The following USP50 variants were observed in gnomAD, a reference collection of about 807,000 sequenced individuals.
USP50 encodes the protein ubiquitin carboxyl-terminal hydrolase 50.
Under a neutral mutation model 39.2 loss-of-function variants are expected in USP50, and 37 were observed. That is an observed-to-expected ratio of 0.94 (90% CI 0.73 to 1.24). USP50 has a LOEUF of 1.24. Ranked by LOEUF, USP50 falls within the 50% of genes most tolerant of loss-of-function variation. The pLI, the probability that USP50 is intolerant of heterozygous loss-of-function variation, is 0.00. For missense variants in USP50, 374 were observed against 398.2 expected (o/e 0.94, Z 0.52); for synonymous variants, 139 against 144.5 (o/e 0.96, Z 0.27).
rs1027330343 is a variant in USP50 at position 50,540,212 on chromosome 15, C to T, written c.660+837G>A. ...GGCTGTCTTCTACTGCCACCCACCC[C>T]ATGCCCACATCCCCAGTTACAGATT... On this transcript the variant is annotated intron_variant, in intron 4 of 6. Transcript: ENST00000532404. Among the ~76,000 whole-genome samples, 13 of 152,334 alleles carry T rather than the reference C, an allele frequency of 8.5e-5. 1 individual carries two copies. The highest frequency in any genetic ancestry group is 3.1e-4 in the African/African-American group (13 of 41,576).
At chr15:50,503,761 A>G (rs1292841385) in intron 6 of USP50, 1 of 152,216 alleles carries the variant, frequency 6.6e-6, no homozygotes, top group Non-Finnish European at 1.5e-5. Context: ...GAATTTCTAG[A>G]TTGTTGCATG....
intron 1 of USP50, chr15:50,494,350 C>A: frequency 7.3e-7 from 1 of 1,363,318 alleles, no homozygotes; most frequent in Non-Finnish European, 1.0e-6. Context: ...ATTTTTATAG[C>A]AGTTTAAAAT....
intron 6 of USP50, among the ~76,000 whole-genome samples, chr15:50,529,084 A>C (rs1225226350): frequency 1.3e-5 from 2 of 152,136 alleles, no homozygotes; most frequent in African/African-American, 4.8e-5. Flanking sequence ...TTTATTGATC[A>C]TAGTCGACTT....
intron 6 of USP50, chr15:50,510,679 A>G (rs1056926353): frequency 7.9e-5 from 12 of 152,202 alleles, no homozygotes; most frequent in African/African-American, 2.7e-4. Context: ...GTGCACATAT[A>G]TATGTATAGA....
chr15:50,493,968 A>G, downstream of USP50: 1 of 1,280,596 alleles, frequency 7.8e-7, no homozygotes, highest in East Asian at 2.3e-5. Context: ...ATGTAGTGCT[A>G]CAGTATGTGA....
At chr15:50,497,026 T>C, downstream of USP50, 1 of 1,536,866 alleles carries the variant, frequency 6.5e-7, no homozygotes, top group Non-Finnish European at 8.7e-7. Flanking sequence ...ACTAAATAGG[T>C]GCTCTCTGAC....
intron 3 of USP50, 84 bp from the exon 4 acceptor site, chr15:50,541,348 CA>C: frequency 1.7e-5 from 19 of 1,120,324 alleles, no homozygotes; most frequent in African/African-American, 3.1e-5. Flanking sequence ...CCCATCTCTA[CA>C]AAAAAAACAA....
chr15:50,498,875 A>G (rs1566895671), downstream of USP50: 2 of 1,560,976 alleles, frequency 1.3e-6, no homozygotes, highest in East Asian at 2.3e-5. Flanking sequence ...AACTGAATTG[A>G]TTTTTTTTTC....
At chr15:50,519,442 C>T (rs1596010931) in intron 6 of USP50, among the ~76,000 whole-genome samples, 1 of 150,664 alleles carries the variant, frequency 6.6e-6, no homozygotes, top group South Asian at 2.1e-4. Flanking sequence ...AGGCCGGGTG[C>T]GGTGGCTCAC....
At chr15:50,506,741 C>A (rs1031970100) in intron 6 of USP50, 14 of 151,922 alleles carry the variant, frequency 9.2e-5, no homozygotes, top group African/African-American at 3.1e-4. Context: ...GGGCGGATCA[C>A]GAGGTCAGGA....
At chr15:50,519,121 T>C (rs948815130) in intron 6 of USP50, among the ~76,000 whole-genome samples, 2 of 151,930 alleles carry the variant, frequency 1.3e-5, no homozygotes, top group Non-Finnish European at 2.9e-5. Flanking sequence ...ATCTCATCTC[T>C]GCTAAAAATG....
At chr15:50,493,826 A>ATGAAC (rs1408321780), downstream of USP50, 1 of 648,632 alleles carries the variant, frequency 1.5e-6, no homozygotes, top group African/African-American at 1.8e-5. Flanking sequence ...CCTCGCTGTC[A>ATGAAC]TGAACTGGAG....
intron 5 of USP50, among the ~76,000 whole-genome samples, chr15:50,532,707 G>A (rs1418469227): frequency 6.6e-6 from 1 of 152,178 alleles, no homozygotes; most frequent in African/African-American, 2.4e-5. Context: ...ATTTAAAACT[G>A]ATCAACACAC....
intron 1 of USP50, among the ~76,000 whole-genome samples, chr15:50,545,445 A>G (rs1243354895): frequency 1.3e-5 from 2 of 151,746 alleles, no homozygotes; most frequent in Admixed American, 6.6e-5. Flanking sequence ...ATATCCACCT[A>G]TCTGTTTACC....
At chr15:50,516,875 A>G (rs2052808065) in intron 6 of USP50, among the ~76,000 whole-genome samples, 2 of 152,114 alleles carry the variant, frequency 1.3e-5, no homozygotes, top group African/African-American at 4.8e-5. Flanking sequence ...GGATATAGCT[A>G]TTATAAATAT....
At chr15:50,517,727 G>GT (rs2052814777) in intron 6 of USP50, among the ~76,000 whole-genome samples, 1 of 151,972 alleles carries the variant, frequency 6.6e-6, no homozygotes, top group Admixed American at 6.6e-5. Flanking sequence ...TTTTTTGTTT[G>GT]TTTTTTCTTT....
In USP50 at chr15:50,546,636, A is replaced by C; in HGVS notation, c.-111T>G. On this transcript the variant is annotated 5_prime_UTR_variant, in exon 1 of 7. Coordinates refer to ENST00000532404, the MANE Select transcript of USP50 (RefSeq NM_203494.5). ...TGGCTTTTTGTTTTAAACAATTGATATGCTCCTCTCTCTTCCAGTAGCTGC... is the reference window on the plus strand; with the variant it reads ...TGGCTTTTTGTTTTAAACAATTGATCTGCTCCTCTCTCTTCCAGTAGCTGC... 8.5e-7 allele frequency: 1 copy of C among 1,175,130 alleles called. No individual in the cohort carries two copies. Among genetic ancestry groups the C allele is most frequent in the East Asian group, 2.4e-5 (1 of 40,972 alleles). 72.8% of individuals were successfully genotyped at this position (1,175,130 alleles called of 1,614,324 possible). A position where few individuals can be genotyped will look rare whatever the true frequency, so the allele number is the denominator to read the frequency against.
downstream of USP50, chr15:50,498,530 T>A (rs2052500116): frequency 6.7e-7 from 1 of 1,481,734 alleles, no homozygotes; most frequent in African/African-American, 1.4e-5. Context: ...AATCTAGATG[T>A]TAATGAATGA....
chr15:50,514,763 C>T (rs760117990), intron 6 of USP50, among the ~76,000 whole-genome samples: 9 of 151,730 alleles, frequency 5.9e-5, no homozygotes, highest in Non-Finnish European at 1.3e-4. Flanking sequence ...CTCCTGACTT[C>T]GTGATCTGCT....
Sources: gnomAD v4.1 joint callset for allele counts (sites outside exome capture counted in the v4.1 genomes callset) on GRCh38, gnomAD v4.1.1 for gene constraint, MANE v1.5 for transcripts, NCBI Gene and HGNC (gene_info 2026-07-23, HGNC 2026-07-21) for gene names.